DNM3: variants seen among roughly 807,000 people sequenced by gnomAD.
The protein encoded by DNM3 is dynamin-3.
A neutral mutation model predicts 101.6 loss-of-function variants in DNM3; 47 were observed. The observed-to-expected ratio is 0.46, with a 90% CI of 0.37 to 0.59. The LOEUF is 0.59. Ranked by LOEUF, DNM3 falls within the 20% of genes least tolerant of loss-of-function variation. The pLI is 0.00. For missense variants in DNM3, 849 were observed against 1,085.7 expected, an observed-to-expected ratio of 0.78 and a Z score of 3.06; for synonymous variants, 385 against 387.9, an observed-to-expected ratio of 0.99 and a Z score of 0.09.
At chr1:172,229,527 TC>T (rs1257185251) in intron 14 of DNM3, among the ~76,000 whole-genome samples, 2 of 152,158 alleles carry the variant, frequency 1.3e-5, no homozygotes, top group Non-Finnish European at 2.9e-5. Context: ...GAACTCTTTT[TC>T]CCACTCTACA....
intron 15 of DNM3, among the ~76,000 whole-genome samples, chr1:172,291,030 G>C (rs2148817244): frequency 6.6e-6 from 1 of 152,254 alleles, no homozygotes; most frequent in Non-Finnish European, 1.5e-5. Flanking sequence ...TGAAAACAGG[G>C]AATTGACAAT....
chr1:172,111,904 C>T (rs1303922047), intron 13 of DNM3, among the ~76,000 whole-genome samples: 3 of 151,844 alleles, frequency 2.0e-5, no homozygotes, highest in Non-Finnish European at 2.9e-5. Context: ...AAAGGTGTCA[C>T]GAGATCTTTT....
At chr1:172,368,434 TATAAAC>T (rs1255769366) in intron 17 of DNM3, among the ~76,000 whole-genome samples, 1 of 151,488 alleles carries the variant, frequency 6.6e-6, no homozygotes, top group Non-Finnish European at 1.5e-5. Context: ...CAAATGAAAA[TATAAAC>T]ATAATATATC....
At chr1:172,011,008 G>T (rs1214685228) in intron 4 of DNM3, among the ~76,000 whole-genome samples, 1 of 151,644 alleles carries the variant, frequency 6.6e-6, no homozygotes, top group Non-Finnish European at 1.5e-5. Flanking sequence ...TTATGGGAGT[G>T]CTGAATTCTA....
At chr1:172,089,569 G>A (rs1332306561) in intron 12 of DNM3, among the ~76,000 whole-genome samples, 1 of 152,168 alleles carries the variant, frequency 6.6e-6, no homozygotes, top group Non-Finnish European at 1.5e-5. Flanking sequence ...TGCTTTTGAA[G>A]TAACTTCAAG....
chr1:172,173,890 G>T (rs1023768905), intron 14 of DNM3, among the ~76,000 whole-genome samples: 1 of 151,446 alleles, frequency 6.6e-6, no homozygotes, highest in South Asian at 2.1e-4. Flanking sequence ...AAGTCTTCTG[G>T]ATCATATATG....
chr1:171,967,921 A>G (rs2043703833), intron 2 of DNM3, among the ~76,000 whole-genome samples: 1 of 152,188 alleles, frequency 6.6e-6, no homozygotes, highest in African/African-American at 2.4e-5. Flanking sequence ...TTTGAGTCTC[A>G]TACTTTGTAT....
At chr1:172,131,766 G>C (rs748590233) in intron 14 of DNM3, 1 of 374,954 alleles carries the variant, frequency 2.7e-6, no homozygotes, top group Non-Finnish European at 5.2e-6. Flanking sequence ...TAGTCTTCAA[G>C]TGAGTCTCAG....
At chr1:172,128,629 T>G (rs567651776) in intron 13 of DNM3, among the ~76,000 whole-genome samples, 36 of 152,330 alleles carry the variant, frequency 2.4e-4, no homozygotes, top group African/African-American at 8.2e-4. Flanking sequence ...TTTACATTAT[T>G]TTTTGTATTA....
intron 4 of DNM3, among the ~76,000 whole-genome samples, chr1:172,013,175 C>G (rs1227781433): frequency 6.6e-6 from 1 of 151,912 alleles, no homozygotes; most frequent in Non-Finnish European, 1.5e-5. Flanking sequence ...ACTTTTCTGG[C>G]AACTGCTGAT....
chr1:172,304,637 A>C (rs1189460801), intron 15 of DNM3, among the ~76,000 whole-genome samples: 1 of 152,190 alleles, frequency 6.6e-6, no homozygotes, highest in Non-Finnish European at 1.5e-5. Context: ...TTGGAAGTAA[A>C]GCACTCCTCA....
chr1:171,916,542 C>A (rs2039724333), intron 1 of DNM3, among the ~76,000 whole-genome samples: 2 of 152,140 alleles, frequency 1.3e-5, no homozygotes, highest in South Asian at 2.1e-4. Flanking sequence ...TCAAAGCAAT[C>A]ATTAAATCCT....
intron 2 of DNM3, among the ~76,000 whole-genome samples, chr1:171,943,744 G>C (rs1020738365): frequency 6.6e-6 from 1 of 152,148 alleles, no homozygotes; most frequent in Non-Finnish European, 1.5e-5. Flanking sequence ...ACCACCTTGG[G>C]CACATGTTTT....
chr1:171,957,539 T>C (rs1238460768), intron 2 of DNM3, among the ~76,000 whole-genome samples: 1 of 152,186 alleles, frequency 6.6e-6, no homozygotes, highest in Non-Finnish European at 1.5e-5. Flanking sequence ...CTGCAAATTT[T>C]CCAAACTTTT....
intron 14 of DNM3, among the ~76,000 whole-genome samples, chr1:172,199,947 T>A (rs2060093476): frequency 6.6e-6 from 1 of 152,132 alleles, no homozygotes; most frequent in South Asian, 2.1e-4. Flanking sequence ...ATCCTATTAT[T>A]GTGCTGTTAG....
chr1:172,208,535 C>T (rs976720236), intron 14 of DNM3, among the ~76,000 whole-genome samples: 5 of 152,114 alleles, frequency 3.3e-5, no homozygotes, highest in African/African-American at 1.2e-4. Flanking sequence ...CAGATTCAAG[C>T]TGCAGCATCA....
chr1:171,994,398 T>C (rs1176091462), intron 4 of DNM3, among the ~76,000 whole-genome samples: 1 of 152,170 alleles, frequency 6.6e-6, no homozygotes, highest in African/African-American at 2.4e-5. Context: ...AGGGATCTTC[T>C]TAAATACTAG....
At chr1:172,093,371 G>A (rs2054040887) in intron 13 of DNM3, among the ~76,000 whole-genome samples, 2 of 152,152 alleles carry the variant, frequency 1.3e-5, no homozygotes, top group South Asian at 4.1e-4. Flanking sequence ...TTCCTAAGAA[G>A]ATCTGATCTT....
chr1:171,995,555 TC>T (rs1326216117), intron 4 of DNM3, among the ~76,000 whole-genome samples: 1 of 152,118 alleles, frequency 6.6e-6, no homozygotes, highest in African/African-American at 2.4e-5. Context: ...TTTTCAGAGG[TC>T]CTTATTCCAG....
Sources: allele counts gnomAD v4.1 joint callset (sites outside exome capture counted in the v4.1 genomes callset), GRCh38; gene constraint gnomAD v4.1.1; transcripts MANE v1.5; gene names NCBI Gene and HGNC (gene_info 2026-07-23, HGNC 2026-07-21).